Variants in CLASP1 observed in about 807,000 individuals in gnomAD.
CLASP1 encodes cytoplasmic linker associated protein 1.
A neutral mutation model predicts 192.3 loss-of-function variants in CLASP1; 38 were observed. That is an observed-to-expected ratio of 0.20 (90% CI 0.15 to 0.26). The LOEUF (loss-of-function observed/expected upper bound fraction) is 0.26, where lower values mean the gene tolerates loss of function less well. CLASP1 is among the 10% of genes least tolerant of loss of function. The pLI is 1.00. For synonymous variants in CLASP1, 691 were observed against 712.8 expected, an observed-to-expected ratio of 0.97 and a Z score of 0.49; for missense variants, 1,433 against 1,932.5, an observed-to-expected ratio of 0.74 and a Z score of 4.85.
chr2:121,520,627 T>C (rs1469607560), intron 6 of CLASP1, among the ~76,000 whole-genome samples: 2 of 152,352 alleles, frequency 1.3e-5, no homozygotes, highest in Non-Finnish European at 1.5e-5. Flanking sequence ...GCAGTCAGCA[T>C]GGGGAGTCCC....
chr2:121,387,745 C>T lies in CLASP1; in HGVS notation c.3267+18G>A, dbSNP rs754632994. On this transcript the variant is annotated intron_variant, in intron 31 of 39. Transcript: ENST00000263710. ...TCATGGACATCACATAGGCACCAAT[C>T]GTGACCAAAGCACTCACCACACTGG... 1.4e-5 allele frequency: 22 copies of T among 1,613,502 alleles called. No homozygotes were observed. Among genetic ancestry groups the T allele is most frequent in the South Asian group, 4.4e-5 (4 of 91,062 alleles).
intron 2 of CLASP1, among the ~76,000 whole-genome samples, chr2:121,602,032 G>A (rs952122626): frequency 3.9e-5 from 6 of 151,926 alleles, no homozygotes; most frequent in African/African-American, 7.3e-5. Flanking sequence ...AAAATCAGCC[G>A]GGTATGGTGG....
chr2:121,526,013 C>A, intron 5 of CLASP1, 93 bp from the exon 6 acceptor site: 1 of 816,394 alleles, frequency 1.2e-6, no homozygotes, highest in South Asian at 1.5e-5. Context: ...CGTGTCTCCC[C>A]AATCCCCATC....
chr2:121,521,951 C>T (rs770068963), intron 6 of CLASP1, among the ~76,000 whole-genome samples: 4 of 152,102 alleles, frequency 2.6e-5, no homozygotes, highest in Non-Finnish European at 4.4e-5. Flanking sequence ...TCTAGAGGTT[C>T]AGAGACTAGT....
At chr2:121,383,243 C>T (rs2072214212) in intron 32 of CLASP1, among the ~76,000 whole-genome samples, 1 of 152,226 alleles carries the variant, frequency 6.6e-6, no homozygotes, top group African/African-American at 2.4e-5. Flanking sequence ...CTGCCACTGG[C>T]ATTCACTGGC....
chr2:121,500,392 GAAAGAAAAGAAAGAAAGAAAGA>G (rs2093708479), intron 8 of CLASP1, among the ~76,000 whole-genome samples: 2 of 112,276 alleles, frequency 1.8e-5, no homozygotes, highest in African/African-American at 6.9e-5. Context: ...AAGAAAGAAA[GAAAGAAAAGAAAGAAAGAAAGA>G]AAAAAAAGAA....
chr2:121,615,317 C>T (rs78202684), intron 1 of CLASP1, among the ~76,000 whole-genome samples: 5,593 of 150,754 alleles, frequency 0.037, 157 homozygotes, highest in East Asian at 0.14. Context: ...CCAGCTTGCG[C>T]GTCAGGAATG....
At chr2:121,403,562 T>C (rs2076449442) in intron 26 of CLASP1, 3 of 451,534 alleles carry the variant, frequency 6.6e-6, no homozygotes, top group South Asian at 4.7e-5. Context: ...CATTAAAGAT[T>C]TGCTTCTGCT....
chr2:121,452,501 C>T (rs1039583211), intron 14 of CLASP1, among the ~76,000 whole-genome samples: 2 of 152,154 alleles, frequency 1.3e-5, no homozygotes, highest in African/African-American at 2.4e-5. Context: ...ACAAAATTTT[C>T]TTTTTCTGGC....
At chr2:121,399,741 T>C (rs778642299) in intron 28 of CLASP1, among the ~76,000 whole-genome samples, 4 of 152,194 alleles carry the variant, frequency 2.6e-5, no homozygotes, top group Non-Finnish European at 5.9e-5. Context: ...GAGGTCACAA[T>C]TGTATTCCTT....
chr2:121,568,562 G>A (rs550148025), intron 2 of CLASP1, among the ~76,000 whole-genome samples: 3 of 151,360 alleles, frequency 2.0e-5, no homozygotes, highest in South Asian at 2.2e-4. Flanking sequence ...GAAGGAATGA[G>A]TCTATCCGGA....
intron 2 of CLASP1, among the ~76,000 whole-genome samples, chr2:121,594,193 A>G (rs201271239): frequency 3.6e-5 from 5 of 139,964 alleles, no homozygotes; most frequent in Admixed American, 1.4e-4. Context: ...CCAGCTACTC[A>G]GGAGGCTGAG....
chr2:121,425,376 G>T, intron 21 of CLASP1, 70 bp from the exon 22 acceptor site: 1 of 1,372,244 alleles, frequency 7.3e-7, no homozygotes, highest in Non-Finnish European at 9.9e-7. Context: ...ACTTTCAAAA[G>T]CCAGATTTTA....
At chr2:121,562,704 C>G (rs1199861637) in intron 2 of CLASP1, among the ~76,000 whole-genome samples, 1 of 152,192 alleles carries the variant, frequency 6.6e-6, no homozygotes, top group East Asian at 1.9e-4. Flanking sequence ...GCAAATTTCA[C>G]TTAAGCTTGG....
chr2:121,525,940 TTTC>T lies in CLASP1; in HGVS notation c.471-23_471-21del, dbSNP rs1448144524. The T allele has an allele frequency of 3.8e-6, 6 of 1,595,076 alleles. No homozygotes were observed. The highest frequency in any genetic ancestry group is 5.2e-6 in the Non-Finnish European group (6 of 1,164,460). ...CCAGAGCTGAAAACAAAAGGAGTGC[TTTC>T]TTGTTAGTGAGAACTGAGGAAAGAA... On this transcript the variant is annotated intron_variant, in intron 5 of 39. Transcript: ENST00000263710.
intron 37 of CLASP1, among the ~76,000 whole-genome samples, chr2:121,352,940 G>A (rs891198537): frequency 1.4e-4 from 21 of 151,990 alleles, no homozygotes; most frequent in African/African-American, 4.8e-4. Context: ...GAGCCACTGC[G>A]ACCAGCCTAA....
exon 13 of CLASP1, chr2:121,458,940 T>A: frequency 6.2e-7 from 1 of 1,612,802 alleles, no homozygotes; most frequent in Non-Finnish European, 8.5e-7. Context: ...TTCAGCTCCA[T>A]GGTCAAACTT....
intron 34 of CLASP1, 80 bp downstream of exon 35, chr2:121,377,419 T>C (rs1674502106): frequency 3.1e-6 from 3 of 980,180 alleles, no homozygotes; most frequent in South Asian, 1.7e-5. Context: ...AGCTCAGTAA[T>C]CATGATGGTC....
At chr2:121,535,651 AT>A (rs1354895447) in intron 2 of CLASP1, among the ~76,000 whole-genome samples, 291 of 145,894 alleles carry the variant, frequency 2.0e-3, no homozygotes, top group Middle Eastern at 3.5e-3. Flanking sequence ...ATTCATTAGA[AT>A]TTTTTTTTTT....
Sources: gnomAD v4.1 joint callset for allele counts (sites outside exome capture counted in the v4.1 genomes callset) on GRCh38, gnomAD v4.1.1 for gene constraint, MANE v1.5 for transcripts, NCBI Gene and HGNC (gene_info 2026-07-23, HGNC 2026-07-21) for gene names.